The following TTC3 variants were observed in gnomAD, a reference collection of about 807,000 sequenced individuals.
TTC3 encodes tetratricopeptide repeat domain 3, also known as E3 ubiquitin-protein ligase TTC3.
TTC3 carries 180 observed loss-of-function variants against 249.6 expected under a neutral mutation model. The ratio of observed to expected loss-of-function variants is 0.72; its 90% CI spans 0.64 to 0.82. The LOEUF is 0.82. Ranked by LOEUF, TTC3 falls within the 40% of genes least tolerant of loss-of-function variation. The probability of loss-of-function intolerance (pLI) is 0.00; values close to 1 mark genes in which losing one functional copy is unlikely to be tolerated. For synonymous variants in TTC3, 717 were observed against 805.0 expected (o/e 0.89, Z 1.85); for missense variants, 2,061 against 2,398.4 (o/e 0.86, Z 2.94).
Position 37,188,475 on chromosome 21 carries a change from G to A in TTC3, c.4924-20G>A. On this transcript the variant is annotated intron_variant, in intron 38 of 45. Transcript: ENST00000355666. ...GCTGTCATTTGTAAAATACTCATAT[G>A]TCTTCTGATCTACTGGCAGGTATCC... 1 of 1,592,774 alleles carries A rather than the reference G, an allele frequency of 6.3e-7. No homozygotes were observed. Among genetic ancestry groups the A allele is most frequent in the East Asian group, 2.2e-5 (1 of 44,686 alleles).
Position 37,102,662 on chromosome 21 carries a change from A to T in TTC3, c.846-5730A>T, listed in dbSNP as rs1431159220. ...AGTCAGACAGAACTGGGCTCTTGGGAACTTTAAGCCTGGAAGAAAAGGGAA... is the reference window on the plus strand; with the variant it reads ...AGTCAGACAGAACTGGGCTCTTGGGTACTTTAAGCCTGGAAGAAAAGGGAA... On this transcript the variant is annotated intron_variant, in intron 10 of 45. Coordinates refer to ENST00000355666, the Ensembl canonical transcript of TTC3. 3.3e-5 allele frequency among the ~76,000 whole-genome samples: 5 copies of T among 152,294 alleles called. No individual in the cohort carries two copies. The East Asian group carries it at 7.7e-4, about 23-fold the overall frequency.
At chr21:37,126,030 A>G in intron 14 of TTC3, 50 bp from the exon 15 acceptor site, 1 of 1,513,082 alleles carries the variant, frequency 6.6e-7, no homozygotes, top group South Asian at 1.2e-5. Flanking sequence ...TGAATTCTTC[A>G]TGGCTGGGTT....
rs768490745 is a variant in TTC3 at position 37,144,696 on chromosome 21, T to C, written c.1893+51T>C. On this transcript the variant is annotated intron_variant, in intron 21 of 45. Coordinates refer to ENST00000355666, the Ensembl canonical transcript of TTC3. ...TTCTTACTGTGAATGCTTATCTGCATTGACTGACTCAGGTATCAGGAGGCG... is the reference window on the plus strand; with the variant it reads ...TTCTTACTGTGAATGCTTATCTGCACTGACTGACTCAGGTATCAGGAGGCG... 19 of 1,575,842 alleles carry C rather than the reference T, an allele frequency of 1.2e-5. No individual in the cohort carries two copies. In the East Asian group the frequency reaches 4.4e-4, roughly 36 times the overall value.
chr21:37,094,725 T>C (rs898788774), intron 8 of TTC3, among the ~76,000 whole-genome samples: 2 of 152,342 alleles, frequency 1.3e-5, no homozygotes, highest in Admixed American at 6.5e-5. Context: ...TAAAAGTGGG[T>C]CTGCCAAATA....
chr21:37,090,598 A>AT, intron 6 of TTC3: 2 of 908,644 alleles, frequency 2.2e-6, no homozygotes, highest in South Asian at 5.1e-5. Context: ...TGGTATGAAT[A>AT]TTTTTTGTTA....
chr21:37,137,292 G>A lies in TTC3; in HGVS notation c.1579-1342G>A, dbSNP rs145371382. Among the ~76,000 whole-genome samples, 223 of 152,272 alleles carry A rather than the reference G, an allele frequency of 1.5e-3. 2 individuals carry two copies. Among genetic ancestry groups the A allele is most frequent in the African/African-American group, 4.9e-3 (204 of 41,560 alleles). On this transcript the variant is annotated intron_variant, in intron 18 of 45. Coordinates refer to ENST00000355666, the Ensembl canonical transcript of TTC3. ...CATAGTGATTCCTCTGTTGGATCTG[G>A]ACAAAGTAAATTGAAAACCTTCTGG...
exon 11 of TTC3, chr21:37,108,403 G>A (rs1305577571): frequency 6.2e-7 from 1 of 1,611,188 alleles, no homozygotes; most frequent in Non-Finnish European, 8.5e-7. Context: ...AATGCACTCG[G>A]TGATGGAAAG....
chr21:37,098,145 C>G (rs1479377625), intron 10 of TTC3: 1 of 450,644 alleles, frequency 2.2e-6, no homozygotes, highest in Non-Finnish European at 4.0e-6. Flanking sequence ...AAGAAATGAG[C>G]TGCACATGTC....
At chr21:37,189,020 C>T (rs2083646670) in intron 39 of TTC3, among the ~76,000 whole-genome samples, 1 of 152,106 alleles carries the variant, frequency 6.6e-6, no homozygotes, top group Non-Finnish European at 1.5e-5. Flanking sequence ...TATAAGCCAC[C>T]CTGCAGTGAG....
intron 12 of TTC3, 101 bp downstream of exon 12, chr21:37,122,080 A>AT: frequency 1.8e-6 from 2 of 1,101,212 alleles, no homozygotes; most frequent in Non-Finnish European, 2.5e-6. Flanking sequence ...CAATCCTCAG[A>AT]TGATTTATCC....
Position 37,192,227 on chromosome 21 carries a change from A to C in TTC3, c.5217+14A>C, listed in dbSNP as rs1406811516. 4.0e-6 allele frequency: 6 copies of C among 1,490,494 alleles called. No homozygotes were observed. Among genetic ancestry groups the C allele is most frequent in the African/African-American group, 1.4e-5 (1 of 69,242 alleles). The allele number at this position is 1,490,494 out of a possible 1,614,324, so 92.3% of individuals were successfully genotyped here. ...GCCTGTAACACGGTAAGTCTAGCAC[A>C]TCTTTTTTTTTTTTTTAAACCATAA... On this transcript the variant is annotated intron_variant, in intron 41 of 45. Transcript: ENST00000355666.
At position 37,073,593 on chromosome 21, in the gene TTC3, G is replaced by A. The variant is rs560914880; in HGVS notation, c.-12+229G>A. ...CGCCATTGCCTACCCCAGTGGGTTT[G>A]CCCCCTTGGTCTGGTGCCCCTTCGC... On this transcript the variant is annotated intron_variant, in intron 1 of 45. Transcript: ENST00000355666. 4.3e-4 allele frequency: 327 copies of A among 767,630 alleles called. 2 individuals are homozygous for A. In the African/African-American group the frequency reaches 5.3e-3, roughly 12 times the overall value. The allele number at this position is 767,630 out of a possible 1,614,324, so 47.6% of individuals were successfully genotyped here.
chr21:37,160,786 TCCC>T lies in TTC3; in HGVS notation c.3040-12_3040-10del, dbSNP rs754356111. 5.0e-6 allele frequency: 8 copies of T among 1,612,090 alleles called. No individual in the cohort carries two copies. Among genetic ancestry groups the T allele is most frequent in the African/African-American group, 1.3e-5 (1 of 74,760 alleles). On this transcript the variant is annotated splice_polypyrimidine_tract_variant and intron_variant, in intron 29 of 45. Coordinates refer to ENST00000355666, the Ensembl canonical transcript of TTC3. ...TGTTATTTGAGTGTTCACTGATTTT[TCCC>T]CCCATTTTTTAGTTTAGTTCAACCA...
At chr21:37,189,982 C>T (rs2083825260) in intron 39 of TTC3, among the ~76,000 whole-genome samples, 1 of 152,166 alleles carries the variant, frequency 6.6e-6, no homozygotes, top group South Asian at 2.1e-4. Context: ...AGTCCTTTTA[C>T]CATGTTCTAT....
At chr21:37,152,366 G>C (rs1201086136) in intron 26 of TTC3, among the ~76,000 whole-genome samples, 1 of 149,518 alleles carries the variant, frequency 6.7e-6, no homozygotes, top group African/African-American at 2.5e-5. Flanking sequence ...CCGTATTTTA[G>C]GGGAACTAAG....
chr21:37,114,628 T>A (rs2075966418), intron 11 of TTC3, among the ~76,000 whole-genome samples: 1 of 152,156 alleles, frequency 6.6e-6, no homozygotes, highest in South Asian at 2.1e-4. Flanking sequence ...GTGTGGCGAT[T>A]CCTCAGGGAT....
In TTC3 at chr21:37,166,436, G is replaced by T; in HGVS notation, c.4222G>T (p.Glu1408Ter). 6.2e-7 allele frequency: 1 copy of T among 1,614,160 alleles called. No homozygotes were observed. Among genetic ancestry groups the T allele is most frequent in the South Asian group, 1.1e-5 (1 of 91,082 alleles). The change falls in exon 33 of 46, where the codon GAG becomes TAG. Residue 1408 changes from glutamate to a stop codon, truncating the protein, a stop_gained. Coordinates refer to ENST00000355666, the Ensembl canonical transcript of TTC3. LOFTEE classifies it high-confidence loss of function. ...GATTGCCTCTGAAACACAGATCCTT[G>T]AGGGCTCTTTGGGAATATCTGTAAA...
chr21:37,180,057 CT>C (rs1392043495), intron 35 of TTC3, among the ~76,000 whole-genome samples: 1 of 152,166 alleles, frequency 6.6e-6, no homozygotes, highest in East Asian at 1.9e-4. Flanking sequence ...CTTGAATGTT[CT>C]CTTAAGTGTC....
intron 9 of TTC3, 62 bp from the exon 10 acceptor site, chr21:37,096,519 C>T (rs2073960018): frequency 1.8e-5 from 24 of 1,315,092 alleles, no homozygotes; most frequent in South Asian, 5.2e-5. Context: ...ATGTTTTCTA[C>T]GTGATTTTTA....
Sources: gnomAD v4.1 joint callset for allele counts (sites outside exome capture counted in the v4.1 genomes callset) on GRCh38, gnomAD v4.1.1 for gene constraint, MANE v1.5 for transcripts, NCBI Gene and HGNC (gene_info 2026-07-23, HGNC 2026-07-21) for gene names.